Variants in LAIR2 observed in about 807,000 individuals in gnomAD.
LAIR2 encodes leukocyte associated immunoglobulin like receptor 2.
A neutral mutation model predicts 14.8 loss-of-function variants in LAIR2; 14 were observed. The ratio of observed to expected loss-of-function variants is 0.95; its 90% CI spans 0.62 to 1.48. The LOEUF (loss-of-function observed/expected upper bound fraction) is 1.48, where lower values mean the gene tolerates loss of function less well. Among genes scored for constraint, LAIR2 ranks in the 40% most tolerant of loss-of-function variants. The pLI is 0.00. For missense variants in LAIR2, 172 were observed against 180.9 expected (o/e 0.95, Z 0.28); for synonymous variants, 75 against 74.5 (o/e 1.01, Z -0.03).
At position 54,510,400 on chromosome 19, in the gene LAIR2, G is replaced by C. The variant is rs1482383489; in HGVS notation, c.416-126G>C. 8.5e-5 allele frequency: 59 copies of C among 692,522 alleles called. No individual in the cohort carries two copies. The South Asian group carries it at 1.1e-3, about 13-fold the overall frequency. The allele number at this position is 692,522 out of a possible 1,614,324, so 42.9% of individuals were successfully genotyped here. ...GTGAAACAGAGGCAATAGAAGAGCT[G>C]TCCTGGTAGAATCGTTTAGGGCAGA... On this transcript the variant is annotated intron_variant, in intron 4 of 4. Transcript: ENST00000301202.
rs201727476 is a variant in LAIR2, at chr19:54,508,306, C to CG, written c.364+122_364+123insG. 4,106 of 928,716 alleles carry CG rather than the reference C, an allele frequency of 4.4e-3. 116 individuals are homozygous for CG. In the African/African-American group the frequency reaches 0.064, roughly 14 times the overall value. The allele number at this position is 928,716 out of a possible 1,614,324, so 57.5% of individuals were successfully genotyped here. A position where few individuals can be genotyped will look rare whatever the true frequency, so the allele number is the denominator to read the frequency against. On this transcript the variant is annotated intron_variant, in intron 3 of 4. Coordinates refer to ENST00000301202, the MANE Select transcript of LAIR2 (RefSeq NM_002288.6). ...TGGCCACCGTTGCCCTCTTCCTGAC[C>CG]CCAAGCCCTCCCCTCCCCTTCTTCC...
chr19:54,509,217 C>T, intron 4 of LAIR2, 132 bp downstream of exon 4: 2 of 548,202 alleles, frequency 3.6e-6, no homozygotes, highest in Non-Finnish European at 6.4e-6. Context: ...CCGACACCCA[C>T]CAAGCTCTGG....
intron 2 of LAIR2, among the ~76,000 whole-genome samples, chr19:54,505,341 G>C (rs2085346189): frequency 6.6e-6 from 1 of 152,026 alleles, no homozygotes; most frequent in Non-Finnish European, 1.5e-5. Context: ...CATCCTCCTG[G>C]ATGCACCATG....
chr19:54,507,695 A>C (rs1191732831), intron 2 of LAIR2, among the ~76,000 whole-genome samples, 196 bp from the exon 3 acceptor site: 1 of 152,256 alleles, frequency 6.6e-6, no homozygotes, highest in Non-Finnish European at 1.5e-5. Context: ...CAACTGGGAA[A>C]AAACTCTGCA....
rs1337622458 is a variant in LAIR2, at chr19:54,507,894, C to A, written c.74C>A (p.Ala25Asp). The change falls in exon 3 of 5, where the codon GCC becomes GAC. Residue 25 changes from alanine to aspartate, a missense_variant. This residue lies in a region of LAIR2 where 161 missense variants were observed against 149.0 expected (regional missense o/e 1.08). Coordinates refer to ENST00000301202, the MANE Select transcript of LAIR2 (RefSeq NM_002288.6). ...LAQTIHTQEG[A>D]LPRPSISAEP... ...TCCTTCTTTGCTTCCCTCTTAGGGG[C>A]CCTTCCCAGACCCTCCATCTCGGCT... 1 of 1,613,202 alleles carries A rather than the reference C, an allele frequency of 6.2e-7. No individual in the cohort carries two copies. Among genetic ancestry groups the A allele is most frequent in the Non-Finnish European group, 8.5e-7 (1 of 1,179,408 alleles).
rs2287828 is a variant in LAIR2, at chr19:54,502,908, G to A, written c.-11G>A. ...TGCTTGTGTCTGCTGCAGAGTTCTG[G>A]GACCGGGGCCATGTCTCCACACCTC... On this transcript the variant is annotated 5_prime_UTR_variant, in exon 1 of 5. Coordinates refer to ENST00000301202, the MANE Select transcript of LAIR2 (RefSeq NM_002288.6). 0.048 allele frequency: 77,173 copies of A among 1,613,794 alleles called. 5,075 individuals are homozygous for A. The highest frequency in any genetic ancestry group is 0.27 in the East Asian group (11,942 of 44,852).
chr19:54,505,151 C>T (rs1273284296), intron 2 of LAIR2, among the ~76,000 whole-genome samples: 1 of 152,098 alleles, frequency 6.6e-6, no homozygotes, highest in Non-Finnish European at 1.5e-5. Context: ...GCGCTGCGGT[C>T]ACCCTGGGAG....
intron 2 of LAIR2, among the ~76,000 whole-genome samples, chr19:54,506,355 C>A (rs2085363922): frequency 6.6e-6 from 1 of 152,150 alleles, no homozygotes; most frequent in African/African-American, 2.4e-5. Flanking sequence ...ACTGTAGTCA[C>A]CGTGTTGTAC....
intron 2 of LAIR2, among the ~76,000 whole-genome samples, chr19:54,504,963 T>C (rs147604568): frequency 1.3e-5 from 2 of 152,338 alleles, no homozygotes; most frequent in African/African-American, 4.8e-5. Flanking sequence ...GTACCCAGCT[T>C]ATTTCACTTA....
chr19:54,505,265 C>T (rs1289796793), intron 2 of LAIR2, among the ~76,000 whole-genome samples: 3 of 152,212 alleles, frequency 2.0e-5, no homozygotes, highest in Middle Eastern at 3.4e-3. Context: ...ACACTTCACT[C>T]GGCAGCTTCT....
chr19:54,507,030 C>T (rs1393200815), intron 2 of LAIR2, among the ~76,000 whole-genome samples: 1 of 151,538 alleles, frequency 6.6e-6, no homozygotes, highest in Non-Finnish European at 1.5e-5. Context: ...TGTTGTACAC[C>T]TTAAATACAT....
intron 4 of LAIR2, 70 bp from the exon 5 acceptor site, chr19:54,510,456 C>T (rs963548961): frequency 1.1e-5 from 14 of 1,307,056 alleles, no homozygotes; most frequent in African/African-American, 1.5e-5. Flanking sequence ...GCGCTGACAT[C>T]AGTGCTGATT....
intron 4 of LAIR2, among the ~76,000 whole-genome samples, chr19:54,510,261 C>G (rs919356661): frequency 2.3e-4 from 34 of 148,116 alleles, no homozygotes; most frequent in African/African-American, 8.5e-4. Flanking sequence ...CGAGGGCAGA[C>G]CCTCCTGCAG....
At chr19:54,504,211 G>T (rs547001437) in intron 2 of LAIR2, among the ~76,000 whole-genome samples, 1 of 151,002 alleles carries the variant, frequency 6.6e-6, no homozygotes, top group African/African-American at 2.4e-5. Flanking sequence ...TGATCCGCCC[G>T]CCTCAGCCTC....
Position 54,508,283 on chromosome 19 carries a change from G to A in LAIR2, c.364+99G>A, listed in dbSNP as rs2085406222. On this transcript the variant is annotated intron_variant, in intron 3 of 4. Coordinates refer to ENST00000301202, the MANE Select transcript of LAIR2 (RefSeq NM_002288.6). ...TCCCGGCTGCTGTCCTCTCTCTGTG[G>A]CCACCGTTGCCCTCTTCCTGACCCC... 6 of 1,226,248 alleles carry A rather than the reference G, an allele frequency of 4.9e-6. No homozygotes were observed. The Admixed American group carries it at 8.5e-5, about 17-fold the overall frequency. 76.0% of individuals were successfully genotyped at this position (1,226,248 alleles called of 1,614,324 possible).
In LAIR2 at chr19:54,502,913, G is replaced by T. The variant is rs199699656; in HGVS notation, c.-6G>T. 5.2e-5 allele frequency: 84 copies of T among 1,613,896 alleles called. No homozygotes were observed. The highest frequency in any genetic ancestry group is 6.7e-5 in the East Asian group (3 of 44,872). ...GTGTCTGCTGCAGAGTTCTGGGACC[G>T]GGGCCATGTCTCCACACCTCACTGC... On this transcript the variant is annotated 5_prime_UTR_variant, in exon 1 of 5. Transcript: ENST00000301202.
intron 1 of LAIR2, 98 bp downstream of exon 1, chr19:54,503,050 G>T (rs1477238236): frequency 8.3e-7 from 1 of 1,198,852 alleles, no homozygotes; most frequent in African/African-American, 1.5e-5. Flanking sequence ...ATTCTGGGGA[G>T]GAAAGTGTCC....
At chr19:54,508,870 C>T (rs906120378) in intron 3 of LAIR2, among the ~76,000 whole-genome samples, 165 bp from the exon 4 acceptor site, 38 of 152,174 alleles carry the variant, frequency 2.5e-4, no homozygotes, top group South Asian at 1.5e-3. Flanking sequence ...GGGCAAGCAG[C>T]GGGGCTCTCC....
In LAIR2 at chr19:54,502,838, G is replaced by A. The variant is rs1411552764; in HGVS notation, c.-81G>A. ...CTCCCTCTTGTGTGAGGCAGTTGCTGTGGAAGCCCCACGGGCAGGAGGCCC... is the reference window on the plus strand; with the variant it reads ...CTCCCTCTTGTGTGAGGCAGTTGCTATGGAAGCCCCACGGGCAGGAGGCCC... On this transcript the variant is annotated 5_prime_UTR_variant, in exon 1 of 5. In the 5' UTR this introduces an upstream ATG that the reference lacks. Coordinates refer to ENST00000301202, the MANE Select transcript of LAIR2 (RefSeq NM_002288.6). The A allele has an allele frequency of 3.8e-6, 6 of 1,566,588 alleles. No homozygotes were observed. The highest frequency in any genetic ancestry group is 5.3e-6 in the Non-Finnish European group (6 of 1,136,984).
Sources: allele counts gnomAD v4.1 joint callset (sites outside exome capture counted in the v4.1 genomes callset), GRCh38; gene constraint gnomAD v4.1.1; regional missense constraint gnomAD v4.1.1; transcripts MANE v1.5; gene names NCBI Gene and HGNC (gene_info 2026-07-23, HGNC 2026-07-21).